The following KDM4C variants were observed in gnomAD, a reference collection of about 807,000 sequenced individuals.
KDM4C encodes lysine-specific demethylase 4C.
A neutral mutation model predicts 129.3 loss-of-function variants in KDM4C; 81 were observed. That is an observed-to-expected ratio of 0.63 (90% CI 0.52 to 0.75). The LOEUF is 0.75. Ranked by LOEUF, KDM4C falls within the 30% of genes least tolerant of loss-of-function variation. KDM4C has a pLI of 0.00. For synonymous variants in KDM4C, 573 were observed against 456.1 expected (o/e 1.26, Z -3.26); for missense variants, 1,457 against 1,304.0 (o/e 1.12, Z -1.81).
intron 18 of KDM4C, among the ~76,000 whole-genome samples, chr9:7,105,705 C>T (rs1837609091): frequency 6.6e-6 from 1 of 152,160 alleles, no homozygotes; most frequent in Non-Finnish European, 1.5e-5. Flanking sequence ...TGGGATCATA[C>T]ATTACCGTTT....
At chr9:7,124,616 G>A (rs965496240) in intron 18 of KDM4C, among the ~76,000 whole-genome samples, 1 of 152,130 alleles carries the variant, frequency 6.6e-6, no homozygotes, top group Non-Finnish European at 1.5e-5. Context: ...CGTAAACTGC[G>A]TAATTATTTC....
intron 5 of KDM4C, among the ~76,000 whole-genome samples, chr9:6,868,361 C>A (rs140413658): frequency 6.9e-4 from 105 of 152,172 alleles, no homozygotes; most frequent in East Asian, 5.6e-3. Flanking sequence ...TAGCATTCAT[C>A]CCAGGAAACC....
At chr9:7,028,883 C>T (rs538734216) in intron 15 of KDM4C, among the ~76,000 whole-genome samples, 1 of 151,984 alleles carries the variant, frequency 6.6e-6, no homozygotes, top group African/African-American at 2.4e-5. Flanking sequence ...TTTCTGTGCT[C>T]TCCTGTGCCA....
intron 1 of KDM4C, among the ~76,000 whole-genome samples, chr9:6,776,498 C>T (rs1350926448): frequency 6.6e-6 from 1 of 152,008 alleles, no homozygotes; most frequent in East Asian, 1.9e-4. Context: ...TCTTGACCTC[C>T]CAAAGTGCTG....
chr9:6,746,409 C>T (rs568137863), intron 1 of KDM4C, among the ~76,000 whole-genome samples: 2 of 150,974 alleles, frequency 1.3e-5, no homozygotes, highest in South Asian at 2.1e-4. Flanking sequence ...GCTGGGACTA[C>T]AGGCGCTCGC....
At chr9:7,127,734 C>G (rs186301261) in intron 18 of KDM4C, among the ~76,000 whole-genome samples, 1 of 152,170 alleles carries the variant, frequency 6.6e-6, no homozygotes, top group African/African-American at 2.4e-5. Context: ...GTTCAGTGTC[C>G]TGAAGTTGAT....
intron 8 of KDM4C, among the ~76,000 whole-genome samples, chr9:6,905,842 C>A (rs1376568205): frequency 1.3e-5 from 2 of 152,170 alleles, no homozygotes; most frequent in Admixed American, 6.5e-5. Flanking sequence ...ATGTGCTGAG[C>A]ACAGATTCTC....
chr9:6,930,383 T>C (rs1165416277), intron 8 of KDM4C, among the ~76,000 whole-genome samples: 1 of 152,108 alleles, frequency 6.6e-6, no homozygotes, highest in Non-Finnish European at 1.5e-5. Context: ...AATGAGCACC[T>C]AATACAGTGA....
chr9:6,910,388 C>T (rs899076832), intron 8 of KDM4C, among the ~76,000 whole-genome samples: 1 of 152,046 alleles, frequency 6.6e-6, no homozygotes, highest in African/African-American at 2.4e-5. Context: ...AATGTTATTA[C>T]CCCCATCTTA....
intron 5 of KDM4C, among the ~76,000 whole-genome samples, chr9:6,860,415 C>T (rs1588758508): frequency 1.3e-5 from 2 of 152,098 alleles, no homozygotes; most frequent in South Asian, 4.2e-4. Flanking sequence ...AGATTCTGAC[C>T]CCTTTGGCAA....
chr9:6,929,856 TGAGG>T, intron 8 of KDM4C, among the ~76,000 whole-genome samples: 1 of 152,330 alleles, frequency 6.6e-6, no homozygotes, highest in South Asian at 2.1e-4. Flanking sequence ...CTCTAGTTTT[TGAGG>T]ATCAAAATAG....
intron 17 of KDM4C, among the ~76,000 whole-genome samples, chr9:7,068,997 T>A (rs910096393): frequency 2.6e-5 from 4 of 152,064 alleles, no homozygotes; most frequent in African/African-American, 9.7e-5. Flanking sequence ...GCGCCTGGCC[T>A]ATGATGCCCT....
intron 1 of KDM4C, among the ~76,000 whole-genome samples, chr9:6,779,613 G>C (rs1161940583): frequency 1.3e-5 from 2 of 152,200 alleles, no homozygotes; most frequent in African/African-American, 4.8e-5. Flanking sequence ...TCCTGCTGCA[G>C]CAGTGTTCTG....
chr9:6,858,172 G>T (rs1179620181), intron 5 of KDM4C, among the ~76,000 whole-genome samples: 1 of 152,058 alleles, frequency 6.6e-6, no homozygotes, highest in Non-Finnish European at 1.5e-5. Context: ...AGAAACAGAA[G>T]ACTCAGGGCA....
intron 19 of KDM4C, among the ~76,000 whole-genome samples, chr9:7,151,961 GT>G (rs1231270998): frequency 6.6e-6 from 1 of 152,230 alleles, no homozygotes; most frequent in Non-Finnish European, 1.5e-5. Flanking sequence ...AGAATGTATA[GT>G]TTAGGCTGCG....
chr9:6,862,940 C>T (rs1480096141), intron 5 of KDM4C, among the ~76,000 whole-genome samples: 4 of 151,990 alleles, frequency 2.6e-5, no homozygotes, highest in Non-Finnish European at 5.9e-5. Flanking sequence ...TTTTATGGAC[C>T]CCTTTAAGCC....
chr9:6,940,619 AT>A (rs1563851464), intron 8 of KDM4C, among the ~76,000 whole-genome samples: 1 of 142,638 alleles, frequency 7.0e-6, no homozygotes, highest in African/African-American at 2.5e-5. Flanking sequence ...TCATAATTTT[AT>A]TGAAAGTGGG....
At chr9:7,061,137 G>A (rs1421355765) in intron 17 of KDM4C, among the ~76,000 whole-genome samples, 1 of 152,206 alleles carries the variant, frequency 6.6e-6, no homozygotes, top group Non-Finnish European at 1.5e-5. Context: ...GCTTCGGTCA[G>A]TTGCACTATA....
At chr9:7,095,813 C>G (rs1424662721) in intron 17 of KDM4C, among the ~76,000 whole-genome samples, 1 of 152,130 alleles carries the variant, frequency 6.6e-6, no homozygotes, top group African/African-American at 2.4e-5. Flanking sequence ...GGGACGGTGA[C>G]TTTTGTTAAC....
Sources: allele counts gnomAD v4.1 joint callset (sites outside exome capture counted in the v4.1 genomes callset), GRCh38; gene constraint gnomAD v4.1.1; transcripts MANE v1.5; gene names NCBI Gene and HGNC (gene_info 2026-07-23, HGNC 2026-07-21).